The following PID1 variants were observed in gnomAD, a reference collection of about 807,000 sequenced individuals.
The protein encoded by PID1 is phosphotyrosine interaction domain containing 1.
Under a neutral mutation model 19.1 loss-of-function variants are expected in PID1, and 10 were observed. That is an observed-to-expected ratio of 0.52 (90% CI 0.32 to 0.89). The LOEUF (loss-of-function observed/expected upper bound fraction) is 0.89, where lower values mean the gene tolerates loss of function less well. Among genes scored for constraint, PID1 ranks in the 40% least tolerant of loss-of-function variants. PID1 has a pLI of 0.03. For missense variants in PID1, 248 were observed against 285.3 expected (o/e 0.87, Z 0.94); for synonymous variants, 130 against 116.0 (o/e 1.12, Z -0.78).
intron 2 of PID1, among the ~76,000 whole-genome samples, chr2:229,141,043 T>A (rs1199665433): frequency 6.6e-6 from 1 of 151,216 alleles, no homozygotes; most frequent in Non-Finnish European, 1.5e-5. Flanking sequence ...TGTCTCAGAC[T>A]GACTCTAGTA....
At chr2:229,065,117 A>G (rs1694295658) in intron 2 of PID1, among the ~76,000 whole-genome samples, 1 of 152,196 alleles carries the variant, frequency 6.6e-6, no homozygotes, top group Admixed American at 6.6e-5. Context: ...GTGCTCGGCA[A>G]GAAAGACCTT....
chr2:229,132,489 G>A (rs75608384), intron 2 of PID1, among the ~76,000 whole-genome samples: 4,308 of 152,164 alleles, frequency 0.028, 108 homozygotes, highest in South Asian at 0.042. Flanking sequence ...GCTTATTACC[G>A]GCTTGGATTG....
intron 2 of PID1, among the ~76,000 whole-genome samples, chr2:229,104,720 A>G (rs138778406): frequency 6.6e-6 from 1 of 152,324 alleles, no homozygotes; most frequent in Admixed American, 6.5e-5. Flanking sequence ...AAGTGACTCT[A>G]TCGCTTCTGA....
chr2:229,119,572 AC>A (rs950387304), intron 2 of PID1, among the ~76,000 whole-genome samples: 15 of 152,188 alleles, frequency 9.9e-5, no homozygotes, highest in African/African-American at 3.6e-4. Context: ...TTAGCATAAT[AC>A]CTTTACAGGC....
intron 2 of PID1, among the ~76,000 whole-genome samples, chr2:229,120,557 C>T (rs925990042): frequency 6.6e-6 from 1 of 150,836 alleles, no homozygotes; most frequent in African/African-American, 2.4e-5. Flanking sequence ...ACTAGACTCA[C>T]AATGTTCAAA....
chr2:229,188,608 G>A (rs907121041), intron 1 of PID1, among the ~76,000 whole-genome samples: 35 of 151,716 alleles, frequency 2.3e-4, no homozygotes, highest in Admixed American at 5.3e-4. Context: ...GCATGGTGGC[G>A]GGTGCCTGTA....
At chr2:229,116,141 G>T (rs1169696265) in intron 2 of PID1, among the ~76,000 whole-genome samples, 1 of 152,006 alleles carries the variant, frequency 6.6e-6, no homozygotes, top group Non-Finnish European at 1.5e-5. Flanking sequence ...GCAGGAGAAT[G>T]GCGTGAACCT....
intron 2 of PID1, among the ~76,000 whole-genome samples, chr2:229,038,851 T>C (rs150388038): frequency 1.3e-5 from 2 of 152,158 alleles, no homozygotes; most frequent in African/African-American, 4.8e-5. Context: ...AATGACCACA[T>C]CTTCTGCTGT....
intron 2 of PID1, among the ~76,000 whole-genome samples, chr2:229,109,384 G>A (rs537096831): frequency 6.6e-6 from 1 of 152,186 alleles, no homozygotes; most frequent in Non-Finnish European, 1.5e-5. Flanking sequence ...AATTAGGGGA[G>A]CAGAAAAACC....
chr2:229,190,438 C>A (rs1691231906), intron 1 of PID1, among the ~76,000 whole-genome samples: 1 of 152,304 alleles, frequency 6.6e-6, no homozygotes, highest in African/African-American at 2.4e-5. Context: ...GAACAGGCAT[C>A]CTTGAAGACT....
chr2:229,262,818 G>A, intron 1 of PID1: 1 of 1,551,076 alleles, frequency 6.4e-7, no homozygotes. Context: ...CTTGGCTTAT[G>A]ATGCCATAAC....
intron 1 of PID1, among the ~76,000 whole-genome samples, chr2:229,212,487 G>GT (rs1308126952): frequency 6.6e-6 from 1 of 152,220 alleles, no homozygotes; most frequent in Non-Finnish European, 1.5e-5. Flanking sequence ...GTAGGACTCT[G>GT]TGTTCTATCT....
intron 1 of PID1, among the ~76,000 whole-genome samples, chr2:229,261,880 AT>A (rs1377780513): frequency 7.0e-6 from 1 of 143,418 alleles, no homozygotes. Context: ...GAAAATAAGT[AT>A]TATGACATGG....
intron 2 of PID1, among the ~76,000 whole-genome samples, chr2:229,092,830 C>T (rs557167631): frequency 3.3e-5 from 5 of 152,134 alleles, no homozygotes; most frequent in Admixed American, 1.3e-4. Flanking sequence ...GATCTTTGTC[C>T]GTATACCTCT....
At chr2:229,069,042 C>T (rs1694391716) in intron 2 of PID1, among the ~76,000 whole-genome samples, 1 of 152,004 alleles carries the variant, frequency 6.6e-6, no homozygotes, top group Admixed American at 6.6e-5. Context: ...CTTTTCCTAA[C>T]CATCTCTACC....
At chr2:229,253,375 A>T (rs1690204906) in intron 1 of PID1, among the ~76,000 whole-genome samples, 1 of 152,150 alleles carries the variant, frequency 6.6e-6, no homozygotes, top group South Asian at 2.1e-4. Context: ...ATTTGGCAGG[A>T]AGGTGAGAGT....
intron 1 of PID1, among the ~76,000 whole-genome samples, chr2:229,249,734 G>A (rs1690102127): frequency 6.6e-6 from 1 of 152,206 alleles, no homozygotes; most frequent in South Asian, 2.1e-4. Context: ...GCAGAAGAGG[G>A]GCAACTTCAA....
At chr2:229,209,422 T>C (rs1691679131) in intron 1 of PID1, among the ~76,000 whole-genome samples, 1 of 152,218 alleles carries the variant, frequency 6.6e-6, no homozygotes, top group Non-Finnish European at 1.5e-5. Flanking sequence ...CTGCCTCTTA[T>C]CAGCAAAATC....
chr2:229,222,705 C>T (rs989512053), intron 1 of PID1, among the ~76,000 whole-genome samples: 1 of 152,202 alleles, frequency 6.6e-6, no homozygotes, highest in Non-Finnish European at 1.5e-5. Flanking sequence ...GAATTACTGT[C>T]TCCACCTGAC....
Sources: gnomAD v4.1 joint callset for allele counts (sites outside exome capture counted in the v4.1 genomes callset) on GRCh38, gnomAD v4.1.1 for gene constraint, MANE v1.5 for transcripts, NCBI Gene and HGNC (gene_info 2026-07-23, HGNC 2026-07-21) for gene names.